Variants in CTNNA3 observed in about 807,000 individuals in gnomAD.
The protein encoded by CTNNA3 is catenin alpha 3.
CTNNA3 carries 76 observed loss-of-function variants against 95.7 expected under a neutral mutation model. That is an observed-to-expected ratio of 0.79 (90% CI 0.66 to 0.96). The LOEUF is 0.96. CTNNA3 is among the 40% of genes least tolerant of loss of function. CTNNA3 has a pLI of 0.00. For synonymous variants in CTNNA3, 431 were observed against 374.4 expected (o/e 1.15, Z -1.74); for missense variants, 1,191 against 1,089.8 (o/e 1.09, Z -1.31).
At chr10:67,687,545 T>C (rs11497971) in intron 1 of CTNNA3, among the ~76,000 whole-genome samples, 35,875 of 152,010 alleles carry the variant, frequency 0.24, 5,085 homozygotes, top group East Asian at 0.51. Context: ...CTTGCTTTTC[T>C]TTTTGGGCCT....
chr10:66,416,262 A>G, intron 11 of CTNNA3, among the ~76,000 whole-genome samples: 1 of 131,182 alleles, frequency 7.6e-6, no homozygotes, highest in African/African-American at 3.2e-5. Flanking sequence ...ACCCTCAGAC[A>G]CATTTTTTAA....
At chr10:67,590,345 C>T (rs995251430) in intron 3 of CTNNA3, among the ~76,000 whole-genome samples, 1 of 152,050 alleles carries the variant, frequency 6.6e-6, no homozygotes, top group African/African-American at 2.4e-5. Context: ...AACATCTCAT[C>T]AAGTACCTAT....
chr10:66,083,044 C>A (rs1301255798), intron 14 of CTNNA3, among the ~76,000 whole-genome samples: 1 of 140,314 alleles, frequency 7.1e-6, no homozygotes, highest in Admixed American at 7.2e-5. Flanking sequence ...ATTTTTTTTT[C>A]TCTTTGCTAG....
intron 2 of CTNNA3, among the ~76,000 whole-genome samples, chr10:67,621,748 CAAAAAAA>C (rs3059973): frequency 8.8e-6 from 1 of 113,536 alleles, no homozygotes; most frequent in Non-Finnish European, 1.7e-5. Flanking sequence ...GACATCATCT[CAAAAAAA>C]AAAAAAAGAA....
At chr10:65,978,778 A>G (rs2078259808) in intron 16 of CTNNA3, among the ~76,000 whole-genome samples, 1 of 152,076 alleles carries the variant, frequency 6.6e-6, no homozygotes, top group South Asian at 2.1e-4. Flanking sequence ...CATCTCTTAA[A>G]TCTGGTCAGC....
At chr10:67,121,931 T>C (rs1859483322) in intron 7 of CTNNA3, among the ~76,000 whole-genome samples, 1 of 127,912 alleles carries the variant, frequency 7.8e-6, no homozygotes, top group African/African-American at 3.1e-5. Context: ...TTTCAAATGT[T>C]AGAAACTAAT....
At chr10:66,650,950 GCCT>G (rs1310227413) in intron 9 of CTNNA3, among the ~76,000 whole-genome samples, 1 of 152,142 alleles carries the variant, frequency 6.6e-6, no homozygotes, top group African/African-American at 2.4e-5. Flanking sequence ...GGCTCGGGCA[GCCT>G]CCTTTTATTC....
At chr10:66,458,690 T>C (rs2093510163) in intron 11 of CTNNA3, among the ~76,000 whole-genome samples, 1 of 152,206 alleles carries the variant, frequency 6.6e-6, no homozygotes, top group Non-Finnish European at 1.5e-5. Flanking sequence ...ATTTGTCCTT[T>C]TGTGTCTGGC....
intron 1 of CTNNA3, among the ~76,000 whole-genome samples, chr10:67,739,617 T>C (rs1320130400): frequency 7.9e-5 from 12 of 151,848 alleles, no homozygotes; most frequent in Admixed American, 2.6e-4. Context: ...GAAGGACCTC[T>C]TCAAGGAGAA....
chr10:67,386,213 A>G (rs149416473), intron 5 of CTNNA3, among the ~76,000 whole-genome samples: 1 of 152,370 alleles, frequency 6.6e-6, no homozygotes, highest in East Asian at 1.9e-4. Context: ...TTCTAAAAAT[A>G]TGCAATAAGT....
Position 66,221,667 on chromosome 10 carries a change from T to TG in CTNNA3, c.1884+58802_1884+58803insC, listed in dbSNP as rs572206370. Among the ~76,000 whole-genome samples the TG allele has an allele frequency of 7.9e-4, 120 of 152,310 alleles. 2 individuals are homozygous for TG. Among genetic ancestry groups the TG allele is most frequent in the South Asian group, 5.8e-3 (28 of 4,826 alleles). On this transcript the variant is annotated intron_variant, in intron 13 of 17. Transcript: ENST00000433211. The stretch of plus-strand genomic sequence containing the variant: ...GTTTTCAGGCAATTGAGAACATACT[T>TG]CCATTTAACAATGACAAGAACAACA...
intron 15 of CTNNA3, among the ~76,000 whole-genome samples, chr10:66,063,694 A>G (rs1264538930): frequency 6.6e-6 from 1 of 152,010 alleles, no homozygotes; most frequent in Admixed American, 6.6e-5. Flanking sequence ...TTTTATATTT[A>G]CCCTAAATTT....
chr10:67,001,346 T>C (rs957527430), intron 7 of CTNNA3, among the ~76,000 whole-genome samples: 4 of 143,518 alleles, frequency 2.8e-5, no homozygotes, highest in African/African-American at 7.7e-5. Flanking sequence ...AATAAACTAA[T>C]AATAAAATCA....
Position 66,646,947 on chromosome 10 carries a change from C to A in CTNNA3, c.1282-25163G>T, listed in dbSNP as rs148809894. 2.8e-3 allele frequency among the ~76,000 whole-genome samples: 428 copies of A among 151,944 alleles called. 2 individuals carry two copies. Among genetic ancestry groups the A allele is most frequent in the African/African-American group, 0.01 (419 of 41,396 alleles). ...AGAGAAAAATGGGTATAATTAATGA[C>A]CTCTTATTCTGACACTTTGAGAGGG... On this transcript the variant is annotated intron_variant, in intron 9 of 17. Coordinates refer to ENST00000433211, the MANE Select transcript of CTNNA3 (RefSeq NM_013266.4).
intron 5 of CTNNA3, 138 bp from the exon 6 acceptor site, chr10:67,220,008 G>T: frequency 1.5e-6 from 1 of 651,280 alleles, no homozygotes; most frequent in Non-Finnish European, 2.5e-6. Flanking sequence ...ATAATCAAGG[G>T]CATCTATTAT....
intron 12 of CTNNA3, among the ~76,000 whole-genome samples, chr10:66,316,469 A>G (rs533362239): frequency 2.6e-5 from 4 of 152,146 alleles, no homozygotes; most frequent in Non-Finnish European, 5.9e-5. Context: ...GCTGGAGCCT[A>G]TCCCCGAAAC....
At chr10:66,360,611 C>CTT (rs1326363867) in intron 12 of CTNNA3, among the ~76,000 whole-genome samples, 3 of 23,412 alleles carry the variant, frequency 1.3e-4, no homozygotes, top group Admixed American at 5.9e-4. Context: ...TTCTTTCTTT[C>CTT]TTTCTTTCTT....
chr10:65,951,487 C>T (rs1326400583), intron 17 of CTNNA3, among the ~76,000 whole-genome samples: 1 of 152,044 alleles, frequency 6.6e-6, no homozygotes, highest in Non-Finnish European at 1.5e-5. Context: ...TCTTAAGAAT[C>T]CAGAATCATT....
chr10:66,397,082 A>T (rs2092984103), intron 11 of CTNNA3, among the ~76,000 whole-genome samples: 1 of 151,722 alleles, frequency 6.6e-6, no homozygotes, highest in South Asian at 2.1e-4. Context: ...ATATAATTAC[A>T]TACATTTTAA....
Sources: gnomAD v4.1 joint callset for allele counts (sites outside exome capture counted in the v4.1 genomes callset) on GRCh38, gnomAD v4.1.1 for gene constraint, MANE v1.5 for transcripts, NCBI Gene and HGNC (gene_info 2026-07-23, HGNC 2026-07-21) for gene names.